Variants in SLC9B2 observed in about 807,000 individuals in gnomAD.
The protein encoded by SLC9B2 is solute carrier family 9 member B2.
A neutral mutation model predicts 52.2 loss-of-function variants in SLC9B2; 39 were observed. The observed-to-expected ratio is 0.75, with a 90% CI of 0.58 to 0.98. The LOEUF (loss-of-function observed/expected upper bound fraction) is 0.98. SLC9B2 is among the 50% of genes least tolerant of loss of function. SLC9B2 has a pLI of 0.00. For missense variants in SLC9B2, 626 were observed against 637.5 expected, an observed-to-expected ratio of 0.98 and a Z score of 0.19; for synonymous variants, 214 against 227.0, an observed-to-expected ratio of 0.94 and a Z score of 0.51.
At chr4:103,027,076 G>A (rs1288059009) in intron 11 of SLC9B2, among the ~76,000 whole-genome samples, 1 of 152,090 alleles carries the variant, frequency 6.6e-6, no homozygotes, top group African/African-American at 2.4e-5. Context: ...CTCTGCCCTT[G>A]CATGGGAACA....
At chr4:103,020,114 C>A, downstream of SLC9B2, 1 of 238,486 alleles carries the variant, frequency 4.2e-6, no homozygotes, top group Non-Finnish European at 8.2e-6. Context: ...ACATCGTCTC[C>A]CTGAGGTTGT....
intron 3 of SLC9B2, among the ~76,000 whole-genome samples, chr4:103,061,426 G>A (rs955557836): frequency 6.6e-5 from 10 of 152,096 alleles, no homozygotes; most frequent in Admixed American, 3.9e-4. Context: ...ACCAAACACC[G>A]CATATTCTCA....
chr4:103,043,026 A>G (rs910160743), intron 9 of SLC9B2, among the ~76,000 whole-genome samples: 19 of 152,128 alleles, frequency 1.2e-4, no homozygotes, highest in Middle Eastern at 3.2e-3. Flanking sequence ...GTAAATATCT[A>G]TAAAATGCAA....
chr4:103,037,560 G>A (rs1484953762), intron 9 of SLC9B2, among the ~76,000 whole-genome samples: 1 of 152,224 alleles, frequency 6.6e-6, no homozygotes, highest in East Asian at 1.9e-4. Flanking sequence ...TTGAAAGAGA[G>A]CATATGTGAG....
chr4:103,060,524 G>A (rs1420760482), intron 3 of SLC9B2, among the ~76,000 whole-genome samples: 1 of 130,848 alleles, frequency 7.6e-6, no homozygotes, highest in Non-Finnish European at 1.6e-5. Context: ...GTTTCCTTTT[G>A]CATGTTTTTT....
At chr4:103,045,533 G>A (rs1357645505) in intron 7 of SLC9B2, among the ~76,000 whole-genome samples, 1 of 150,684 alleles carries the variant, frequency 6.6e-6, no homozygotes, top group Non-Finnish European at 1.5e-5. Context: ...AAAAAAAAAA[G>A]TCTTGGGCCC....
chr4:103,069,239 G>A (rs985342348), intron 1 of SLC9B2, among the ~76,000 whole-genome samples: 1 of 152,174 alleles, frequency 6.6e-6, no homozygotes, highest in African/African-American at 2.4e-5. Flanking sequence ...GTGTGTGAGG[G>A]GAAACTGCTG....
rs2110601373 is a variant in SLC9B2 at position 103,043,280 on chromosome 4, T to C, written c.1146+16A>G. 6.3e-7 allele frequency: 1 copy of C among 1,591,646 alleles called. No homozygotes were observed. The highest frequency in any genetic ancestry group is 2.2e-5 in the East Asian group (1 of 44,630). On this transcript the variant is annotated intron_variant, in intron 9 of 11. Coordinates refer to ENST00000394785, the MANE Select transcript of SLC9B2 (RefSeq NM_178833.7). ...AGAAAAGAGTCATGAGCAGAAAAACTTAAAATGAAATTCACCTTTTCGCTG... is the reference window on the plus strand; with the variant it reads ...AGAAAAGAGTCATGAGCAGAAAAACCTAAAATGAAATTCACCTTTTCGCTG...
chr4:103,050,426 A>C (rs1403257556), intron 4 of SLC9B2, 44 bp from the exon 5 acceptor site: 1 of 1,499,254 alleles, frequency 6.7e-7, no homozygotes, highest in East Asian at 2.5e-5. Flanking sequence ...TTTCAAATAC[A>C]GAAAATATTT....
chr4:103,019,497 G>A (rs560104316), downstream of SLC9B2: 18 of 801,568 alleles, frequency 2.2e-5, no homozygotes, highest in Non-Finnish European at 2.4e-5. Context: ...CTGAGGGGGA[G>A]GAAAGGCCCT....
chr4:103,019,973 G>T, downstream of SLC9B2: 1 of 970,790 alleles, frequency 1.0e-6, no homozygotes, highest in Non-Finnish European at 1.2e-6. Flanking sequence ...AAGTAAACTT[G>T]TCAAAACTCA....
chr4:103,065,149 A>C (rs548931602), intron 3 of SLC9B2, among the ~76,000 whole-genome samples: 1 of 149,484 alleles, frequency 6.7e-6, no homozygotes, highest in East Asian at 2.0e-4. Flanking sequence ...TTTAAATCTG[A>C]AGATCCATGA....
chr4:103,046,730 G>C (rs996903055), intron 7 of SLC9B2, among the ~76,000 whole-genome samples: 9 of 148,908 alleles, frequency 6.0e-5, no homozygotes, highest in Non-Finnish European at 1.1e-4. Flanking sequence ...CATCTTTTGT[G>C]TGAAGTCTCC....
chr4:103,020,273 T>TTTTTTTTTTTTA, downstream of SLC9B2: 1 of 409,622 alleles, frequency 2.4e-6, no homozygotes, highest in Non-Finnish European at 4.7e-6. Flanking sequence ...TTTTTCCGCA[T>TTTTTTTTTTTTA]GAAATCTTAT....
chr4:103,039,642 G>T (rs1262964051), intron 9 of SLC9B2, among the ~76,000 whole-genome samples: 3 of 137,920 alleles, frequency 2.2e-5, no homozygotes, highest in Non-Finnish European at 4.6e-5. Context: ...TATTCAAATG[G>T]TATATTCTTT....
At chr4:103,070,329 T>C (rs1356582634) in intron 1 of SLC9B2, among the ~76,000 whole-genome samples, 1 of 152,230 alleles carries the variant, frequency 6.6e-6, no homozygotes, top group Non-Finnish European at 1.5e-5. Context: ...AAAATGACCT[T>C]TGAAGGGCCA....
intron 2 of SLC9B2, among the ~76,000 whole-genome samples, chr4:103,066,985 A>G (rs1180877025): frequency 6.6e-6 from 1 of 151,810 alleles, no homozygotes; most frequent in East Asian, 1.9e-4. Context: ...GTGCATGCAA[A>G]TATTAAAAAA....
At chr4:103,075,550 A>G (rs1026464634) in intron 1 of SLC9B2, among the ~76,000 whole-genome samples, 1 of 152,202 alleles carries the variant, frequency 6.6e-6, no homozygotes, top group Non-Finnish European at 1.5e-5. Context: ...TCCATAGTAC[A>G]TTTCCAGTCT....
chr4:103,064,352 G>T (rs577121741), intron 3 of SLC9B2, among the ~76,000 whole-genome samples: 273 of 152,312 alleles, frequency 1.8e-3, no homozygotes, highest in African/African-American at 6.2e-3. Flanking sequence ...CAACAACATG[G>T]ATGAACCTGG....
Sources: allele counts gnomAD v4.1 joint callset (sites outside exome capture counted in the v4.1 genomes callset), GRCh38; gene constraint gnomAD v4.1.1; transcripts MANE v1.5; gene names NCBI Gene and HGNC (gene_info 2026-07-23, HGNC 2026-07-21).